Variants in WDR33 observed in about 807,000 individuals in gnomAD.
The protein encoded by WDR33 is pre-mRNA 3' end processing protein WDR33.
In WDR33, 47 loss-of-function variants were observed where a neutral mutation model predicts 164.9. That is an observed-to-expected ratio of 0.29 (90% CI 0.23 to 0.36). The LOEUF is 0.36. WDR33 is among the 10% of genes least tolerant of loss of function. The pLI is 1.00. For synonymous variants in WDR33, 505 were observed against 589.0 expected (o/e 0.86, Z 2.06); for missense variants, 1,137 against 1,754.1 (o/e 0.65, Z 6.28).
chr2:127,737,393 T>C (rs760594061), intron 7 of WDR33: 1 of 985,402 alleles, frequency 1.0e-6, no homozygotes, highest in African/African-American at 1.7e-5. Context: ...GCACATGTTA[T>C]TCAACAGTCA....
chr2:127,713,516 C>A lies in WDR33; in HGVS notation c.3308+67G>T. ...TCCTCAAGAAAAAGAAGAAAGAGAC[C>A]TTTGTGGAGACAGCAGATAAAAAGC... On this transcript the variant is annotated intron_variant, in intron 18 of 21. Coordinates refer to ENST00000322313, the MANE Select transcript of WDR33 (RefSeq NM_018383.5). The surrounding 1 kb of genome is among the most constrained non-coding windows in gnomAD (Gnocchi z 6.2). 1 of 1,542,752 alleles carries A rather than the reference C, an allele frequency of 6.5e-7. No individual in the cohort carries two copies. The highest frequency in any genetic ancestry group is 8.8e-7 in the Non-Finnish European group (1 of 1,131,190).
rs1245207112 is a variant in WDR33, at chr2:127,726,357, G to A, written c.851+294C>T. ...TCCTCACAGTGCCACAAGGTATTCT[G>A]ATGACAGGCAATAGGCTAGAATAGT... On this transcript the variant is annotated intron_variant, in intron 8 of 21. Transcript: ENST00000322313. This position sits in a 1 kb window ranked among gnomAD's most constrained non-coding sequence, Gnocchi z 4.8. Among the ~76,000 whole-genome samples, 1 of 152,172 alleles carries A rather than the reference G, an allele frequency of 6.6e-6. No homozygotes were observed. The highest frequency in any genetic ancestry group is 1.5e-5 in the Non-Finnish European group (1 of 68,036).
At position 127,735,285 on chromosome 2, in the gene WDR33, C is replaced by A. The variant is rs1184364527; in HGVS notation, c.725-8508G>T. 5.4e-6 allele frequency: 4 copies of A among 736,018 alleles called. No homozygotes were observed. Among genetic ancestry groups the A allele is most frequent in the Non-Finnish European group, 5.0e-6 (3 of 602,576 alleles). The allele number at this position is 736,018 out of a possible 1,614,324, so 45.6% of individuals were successfully genotyped here. On this transcript the variant is annotated intron_variant, in intron 7 of 21. Transcript: ENST00000322313. The surrounding 1 kb of genome is among the most constrained non-coding windows in gnomAD (Gnocchi z 4.3). ...CCTCCTCCACCTGATCACCCCTCCT[C>A]CACCTCATCAGATCCTAAGGAACCT...
chr2:127,715,757 A>G (rs1686284599), intron 17 of WDR33, among the ~76,000 whole-genome samples: 2 of 152,102 alleles, frequency 1.3e-5, no homozygotes, highest in Admixed American at 1.3e-4. Context: ...CATTACCTCT[A>G]TCTGTTTAAA....
chr2:127,808,219 T>C (rs1428971972), intron 1 of WDR33, among the ~76,000 whole-genome samples: 1 of 152,226 alleles, frequency 6.6e-6, no homozygotes, highest in Admixed American at 6.5e-5. Context: ...CTACTATATA[T>C]GAGGCACTTT....
Position 127,701,648 on chromosome 2 carries a change from G to A in WDR33, c.*4675C>T, listed in dbSNP as rs1685883509. ...CGGAGGAGCCCGGGGACCGGCCGGC[G>A]GAGGAGTGGCTGGGCCGCGCGGGCT... On this transcript the variant is annotated 3_prime_UTR_variant, in exon 22 of 22. Transcript: ENST00000322313. 7.7e-7 allele frequency: 1 copy of A among 1,304,548 alleles called. No homozygotes were observed. Among genetic ancestry groups the A allele is most frequent in the East Asian group, 3.1e-5 (1 of 32,002 alleles). The allele number at this position is 1,304,548 out of a possible 1,614,324, so 80.8% of individuals were successfully genotyped here. A position where few individuals can be genotyped will look rare whatever the true frequency, so the allele number is the denominator to read the frequency against.
intron 7 of WDR33, chr2:127,736,354 C>T (rs1686841772): frequency 1.0e-6 from 1 of 985,332 alleles, no homozygotes; most frequent in Non-Finnish European, 1.2e-6. Flanking sequence ...TATTTCTTTA[C>T]TGAAAATTCA....
chr2:127,780,523 T>C (rs1688335731), intron 1 of WDR33, among the ~76,000 whole-genome samples: 1 of 152,228 alleles, frequency 6.6e-6, no homozygotes, highest in South Asian at 2.1e-4. Context: ...AGAAATTACA[T>C]GGAGACCATT....
At chr2:127,788,443 C>T (rs1213301070) in intron 1 of WDR33, among the ~76,000 whole-genome samples, 1 of 132,736 alleles carries the variant, frequency 7.5e-6, no homozygotes, top group African/African-American at 3.0e-5. Context: ...CCACCTCCCT[C>T]CCGGACGGGG....
chr2:127,799,501 A>C (rs925618303), intron 1 of WDR33, among the ~76,000 whole-genome samples: 2 of 152,210 alleles, frequency 1.3e-5, no homozygotes, highest in South Asian at 2.1e-4. Flanking sequence ...ATTTCTCCAA[A>C]GAAGATATAC....
intron 7 of WDR33, among the ~76,000 whole-genome samples, chr2:127,750,669 A>ACATATATATAT (rs1687303186): frequency 1.4e-5 from 1 of 69,790 alleles, no homozygotes; most frequent in African/African-American, 8.5e-5. Context: ...AAAAAAAAAA[A>ACATATATATAT]AAAAAAAAAT....
In WDR33 at chr2:127,712,971, G is replaced by A. The variant is rs979022832; in HGVS notation, c.3308+612C>T. Among the ~76,000 whole-genome samples the A allele has an allele frequency of 6.6e-6, 1 of 152,118 alleles. No individual in the cohort carries two copies. Among genetic ancestry groups the A allele is most frequent in the African/African-American group, 2.4e-5 (1 of 41,414 alleles). On this transcript the variant is annotated intron_variant, in intron 18 of 21. Transcript: ENST00000322313. This position sits in a 1 kb window ranked among gnomAD's most constrained non-coding sequence, Gnocchi z 4.0. ...GGAGTTACACTATGTCGTTCAGGCTGTTCTTCAATTCCTGGCCTCAAGCGA... is the reference window on the plus strand; with the variant it reads ...GGAGTTACACTATGTCGTTCAGGCTATTCTTCAATTCCTGGCCTCAAGCGA...
intron 1 of WDR33, among the ~76,000 whole-genome samples, chr2:127,790,993 C>A (rs904847425): frequency 4.6e-5 from 7 of 151,722 alleles, no homozygotes; most frequent in African/African-American, 1.7e-4. Flanking sequence ...TTCACTTGGG[C>A]CCCCTCCTTA....
chr2:127,703,284 G>T lies in WDR33; in HGVS notation c.*3039C>A, dbSNP rs1287167721. 6.0e-6 allele frequency: 1 copy of T among 167,044 alleles called. No homozygotes were observed. Among genetic ancestry groups the T allele is most frequent in the African/African-American group, 2.4e-5 (1 of 41,440 alleles). 10.3% of individuals were successfully genotyped at this position (167,044 alleles called of 1,614,324 possible). ...AATGCAGTCAGAACCTGGGAAGTAGGTCCCAGACATCAGGACCTTTTTAAA... is the reference window on the plus strand; with the variant it reads ...AATGCAGTCAGAACCTGGGAAGTAGTTCCCAGACATCAGGACCTTTTTAAA... On this transcript the variant is annotated 3_prime_UTR_variant, in exon 22 of 22. Transcript: ENST00000322313.
Position 127,709,721 on chromosome 2 carries a change from G to C in WDR33, c.3444C>G (p.Leu1148=). 6.2e-7 allele frequency: 1 copy of C among 1,614,222 alleles called. No individual in the cohort carries two copies. Among genetic ancestry groups the C allele is most frequent in the Non-Finnish European group, 8.5e-7 (1 of 1,180,046 alleles). The part of the protein sequence containing the change: ...ASEEAARGRD[L]RGRGRGTPRG... ...GTGGGGTACCCCGACCTCGACCTCTGAGATCTCGTCCTCGGGCCGCTTCCT... is the reference window on the plus strand; with the variant it reads ...GTGGGGTACCCCGACCTCGACCTCTCAGATCTCGTCCTCGGGCCGCTTCCT... Residue 1148 remains leucine, a synonymous_variant, in exon 19 of 22, where the codon CTC becomes CTG. Transcript: ENST00000322313. This position sits in a 1 kb window ranked among gnomAD's most constrained non-coding sequence, Gnocchi z 5.0.
Position 127,712,155 on chromosome 2 carries a change from G to A in WDR33, c.3308+1428C>T, listed in dbSNP as rs186701684. Among the ~76,000 whole-genome samples, 5 of 152,072 alleles carry A rather than the reference G, an allele frequency of 3.3e-5. No homozygotes were observed. Among genetic ancestry groups the A allele is most frequent in the African/African-American group, 9.7e-5 (4 of 41,422 alleles). On this transcript the variant is annotated intron_variant, in intron 18 of 21. Transcript: ENST00000322313. This position sits in a 1 kb window ranked among gnomAD's most constrained non-coding sequence, Gnocchi z 4.0. ...TCACGCCTATAATCCCTGCACTCTG[G>A]GGGGGCTGAAGAACGTGGATCACTT...
rs935623971 is a variant in WDR33 at position 127,718,369 on chromosome 2, T to C, written c.2760+896A>G. On this transcript the variant is annotated intron_variant, in intron 16 of 21. Transcript: ENST00000322313. This position sits in a 1 kb window ranked among gnomAD's most constrained non-coding sequence, Gnocchi z 4.4. ...TCCACACTGGACCAAAAGTGAGTTT[T>C]CAGGGACAAAACTCAGTTATTCATA... Among the ~76,000 whole-genome samples the C allele has an allele frequency of 6.6e-6, 1 of 152,104 alleles. No individual in the cohort carries two copies. Among genetic ancestry groups the C allele is most frequent in the African/African-American group, 2.4e-5 (1 of 41,408 alleles).
rs1196474023 is a variant in WDR33 at position 127,735,358 on chromosome 2, C to T, written c.725-8581G>A. On this transcript the variant is annotated intron_variant, in intron 7 of 21. Transcript: ENST00000322313. This position sits in a 1 kb window ranked among gnomAD's most constrained non-coding sequence, Gnocchi z 4.3. ...CCTGTCTTGAGACAGTCCATAGGAT[C>T]CCAAAGCTCGGTGAACAGTCTGAAA... 1 of 985,092 alleles carries T rather than the reference C, an allele frequency of 1.0e-6. No individual in the cohort carries two copies. Among genetic ancestry groups the T allele is most frequent in the African/African-American group, 1.7e-5 (1 of 57,190 alleles). The allele number at this position is 985,092 out of a possible 1,614,324, so 61.0% of individuals were successfully genotyped here.
rs983430089 is a variant in WDR33 at position 127,703,356 on chromosome 2, T to C, written c.*2967A>G. 2.4e-5 allele frequency: 4 copies of C among 167,234 alleles called. No individual in the cohort carries two copies. The allele number at this position is 167,234 out of a possible 1,614,324, so 10.4% of individuals were successfully genotyped here. The stretch of plus-strand genomic sequence containing the variant: ...TCCCCAAGTTTGAGGACCACTTTTC[T>C]GTGCATTGGCTTGCACAATTTGAAA... On this transcript the variant is annotated 3_prime_UTR_variant, in exon 22 of 22. Coordinates refer to ENST00000322313, the MANE Select transcript of WDR33 (RefSeq NM_018383.5).
Sources: gnomAD v4.1 joint callset for allele counts (sites outside exome capture counted in the v4.1 genomes callset) on GRCh38, gnomAD v4.1.1 for gene constraint, Gnocchi (gnomAD v3.1) non-coding constraint, MANE v1.5 for transcripts, NCBI Gene and HGNC (gene_info 2026-07-23, HGNC 2026-07-21) for gene names.